TCF12: variants seen among roughly 807,000 people sequenced by gnomAD.
The protein encoded by TCF12 is transcription factor 12.
TCF12 carries 45 observed loss-of-function variants against 86.0 expected under a neutral mutation model. That is an observed-to-expected ratio of 0.52 (90% CI 0.41 to 0.67). The LOEUF is 0.67. Ranked by LOEUF, TCF12 falls within the 30% of genes least tolerant of loss-of-function variation. TCF12 has a pLI of 0.00. For missense variants in TCF12, 881 were observed against 859.9 expected (o/e 1.02, Z -0.31); for synonymous variants, 330 against 299.6 (o/e 1.10, Z -1.05).
At chr15:56,971,822 A>G (rs2062345807) in intron 3 of TCF12, among the ~76,000 whole-genome samples, 1 of 152,230 alleles carries the variant, frequency 6.6e-6, no homozygotes, top group South Asian at 2.1e-4. Flanking sequence ...ACCAAGATCC[A>G]AACATTTTTA....
chr15:57,171,077 A>G (rs781427267), intron 6 of TCF12, among the ~76,000 whole-genome samples: 1 of 151,760 alleles, frequency 6.6e-6, no homozygotes, highest in Non-Finnish European at 1.5e-5. Context: ...GGAGGAAACT[A>G]TATGATTACT....
intron 3 of TCF12, among the ~76,000 whole-genome samples, chr15:57,036,939 A>G (rs1430848394): frequency 6.6e-6 from 1 of 152,170 alleles, no homozygotes; most frequent in Non-Finnish European, 1.5e-5. Context: ...ACATTTCCTT[A>G]TAGTAAGTCA....
chr15:57,179,633 ATATT>A (rs142149324), intron 6 of TCF12, among the ~76,000 whole-genome samples: 4,456 of 152,216 alleles, frequency 0.029, 180 homozygotes, highest in African/African-American at 0.089. Context: ...TTTATAGACA[ATATT>A]TATTAAGTTT....
Position 57,197,735 on chromosome 15 carries a change from A to G in TCF12, c.527-38A>G, listed in dbSNP as rs553979945. The G allele has an allele frequency of 8.1e-6, 13 of 1,605,598 alleles. No homozygotes were observed. In the Admixed American group the frequency reaches 1.2e-4, roughly 15 times the overall value. On this transcript the variant is annotated intron_variant, in intron 7 of 20. Transcript: ENST00000333725. ...TTTGAAGTCTTGATTTTTTTCTGGT[A>G]TATTATGCTGAAGAAATGTATTGTT...
At chr15:56,986,214 G>C (rs1472984108) in intron 3 of TCF12, among the ~76,000 whole-genome samples, 1 of 152,038 alleles carries the variant, frequency 6.6e-6, no homozygotes, top group Non-Finnish European at 1.5e-5. Context: ...CAGAAAGTAT[G>C]CTTTTGTTTA....
chr15:56,986,726 A>T (rs1159630919), intron 3 of TCF12, among the ~76,000 whole-genome samples: 1 of 152,190 alleles, frequency 6.6e-6, no homozygotes, highest in African/African-American at 2.4e-5. Context: ...TTTACTAAAT[A>T]CTTGTCTGCA....
chr15:57,043,331 G>C (rs879658352), intron 3 of TCF12, among the ~76,000 whole-genome samples: 4 of 152,042 alleles, frequency 2.6e-5, no homozygotes, highest in Non-Finnish European at 5.9e-5. Flanking sequence ...CATTATGGTA[G>C]TTCTATTTTT....
chr15:56,979,996 A>G (rs1384719044), intron 3 of TCF12, among the ~76,000 whole-genome samples: 1 of 152,184 alleles, frequency 6.6e-6, no homozygotes, highest in Non-Finnish European at 1.5e-5. Flanking sequence ...TGTAGAATAG[A>G]TGAAGCTATT....
chr15:57,137,905 T>C (rs1428956295), intron 5 of TCF12, among the ~76,000 whole-genome samples: 1 of 152,076 alleles, frequency 6.6e-6, no homozygotes, highest in Non-Finnish European at 1.5e-5. Context: ...CAGGCATCTG[T>C]AATCCCAGCT....
At chr15:56,972,212 C>T (rs2062373015) in intron 3 of TCF12, among the ~76,000 whole-genome samples, 1 of 152,204 alleles carries the variant, frequency 6.6e-6, no homozygotes, top group Non-Finnish European at 1.5e-5. Context: ...CTAATTAGTA[C>T]AGCCCTTTTG....
intron 3 of TCF12, among the ~76,000 whole-genome samples, chr15:56,921,372 A>G (rs974934127): frequency 6.6e-6 from 1 of 152,024 alleles, no homozygotes; most frequent in African/African-American, 2.4e-5. Flanking sequence ...TTAAATGATA[A>G]GTATTAGATG....
intron 4 of TCF12, among the ~76,000 whole-genome samples, chr15:57,067,263 G>T (rs1158127049): frequency 6.6e-6 from 1 of 152,110 alleles, no homozygotes; most frequent in African/African-American, 2.4e-5. Flanking sequence ...GTTATAGGCC[G>T]GGCGCGGTGG....
intron 3 of TCF12, among the ~76,000 whole-genome samples, chr15:56,991,260 T>A (rs1224186096): frequency 2.6e-5 from 4 of 152,202 alleles, no homozygotes; most frequent in African/African-American, 9.7e-5. Context: ...ATGCATCCAA[T>A]TCTCTCCTGA....
chr15:57,090,913 G>A (rs1358595768), intron 4 of TCF12, among the ~76,000 whole-genome samples: 2 of 152,136 alleles, frequency 1.3e-5, no homozygotes, highest in Non-Finnish European at 2.9e-5. Context: ...GTGCGTAAAA[G>A]TCTGAGAACC....
At chr15:56,950,981 C>T (rs1286644553) in intron 3 of TCF12, among the ~76,000 whole-genome samples, 2 of 151,726 alleles carry the variant, frequency 1.3e-5, no homozygotes, top group Non-Finnish European at 2.9e-5. Flanking sequence ...GTCTTGAACT[C>T]CCGACCTTAG....
chr15:57,004,455 C>G (rs1368913608), intron 3 of TCF12, among the ~76,000 whole-genome samples: 2 of 152,072 alleles, frequency 1.3e-5, no homozygotes, highest in Non-Finnish European at 2.9e-5. Context: ...GTCGCCCAGG[C>G]TGGAGTGCAG....
rs371948077 is a variant in TCF12 at position 57,267,595 on chromosome 15, C to CT, written c.1745+4323dup. Among the ~76,000 whole-genome samples, 287 of 152,326 alleles carry CT rather than the reference C, an allele frequency of 1.9e-3. 1 individual carries two copies. Among genetic ancestry groups the CT allele is most frequent in the African/African-American group, 6.6e-3 (276 of 41,582 alleles). ...GGACATACAGTCTCTGTCACAGCTA[C>CT]TTACCACTGCCATTAGAGGACAAAA... On this transcript the variant is annotated intron_variant, in intron 18 of 20. Coordinates refer to ENST00000333725, the MANE Select transcript of TCF12 (RefSeq NM_207037.2).
chr15:57,245,131 G>C (rs2059801647), intron 13 of TCF12, among the ~76,000 whole-genome samples: 1 of 152,208 alleles, frequency 6.6e-6, no homozygotes, highest in Admixed American at 6.5e-5. Flanking sequence ...TTTGTGTTTT[G>C]TTGTTGTTGT....
chr15:56,928,872 G>GTT (rs2060127850), intron 3 of TCF12, among the ~76,000 whole-genome samples: 1 of 152,168 alleles, frequency 6.6e-6, no homozygotes, highest in African/African-American at 2.4e-5. Flanking sequence ...GAACGCCTGG[G>GTT]AACAGGTTGG....
Sources: gnomAD v4.1 joint callset for allele counts (sites outside exome capture counted in the v4.1 genomes callset) on GRCh38, gnomAD v4.1.1 for gene constraint, MANE v1.5 for transcripts, NCBI Gene and HGNC (gene_info 2026-07-23, HGNC 2026-07-21) for gene names.